The following EGR2 variants were observed in gnomAD, a reference collection of about 807,000 sequenced individuals.
EGR2 encodes the protein E3 SUMO-protein ligase EGR2.
A neutral mutation model predicts 21.2 loss-of-function variants in EGR2; 2 were observed. The observed-to-expected ratio is 0.09, with a 90% confidence interval of 0.04 to 0.30. The LOEUF (loss-of-function observed/expected upper bound fraction) is 0.30. EGR2 is among the 10% of genes least tolerant of loss of function. The pLI is 1.00. For synonymous variants in EGR2, 282 were observed against 258.2 expected, an observed-to-expected ratio of 1.09 and a Z score of -0.88; for missense variants, 458 against 630.2, an observed-to-expected ratio of 0.73 and a Z score of 2.93.
rs1842261380 is a variant in EGR2, at chr10:62,816,093, T to G, written c.-64A>C. 1 of 1,613,598 alleles carries G rather than the reference T, an allele frequency of 6.2e-7. No homozygotes were observed. The highest frequency in any genetic ancestry group is 2.2e-5 in the East Asian group (1 of 44,886). Reference sequence around the variant, plus strand: ...ACCTGGAGTGTCAGAAAAGCCGTTTTGGAGAGGGGTTGGACTGAGCCTGGG... The same window carrying G: ...ACCTGGAGTGTCAGAAAAGCCGTTTGGGAGAGGGGTTGGACTGAGCCTGGG... On this transcript the variant is annotated 5_prime_UTR_variant, in exon 1 of 2. Coordinates refer to ENST00000242480, the MANE Select transcript of EGR2 (RefSeq NM_000399.5).
chr10:62,818,601 T>A (rs1335885863), upstream of EGR2: 2 of 1,277,278 alleles, frequency 1.6e-6, no homozygotes, highest in South Asian at 2.5e-5. Flanking sequence ...GCGCTGACCA[T>A]GGGCAAGACG....
chr10:62,817,300 TAC>T (rs766650759), upstream of EGR2, among the ~76,000 whole-genome samples: 1 of 151,882 alleles, frequency 6.6e-6, no homozygotes, highest in African/African-American at 2.4e-5. This position sits in a 1 kb window ranked among gnomAD's most constrained non-coding sequence, Gnocchi z 4.4. Flanking sequence ...CAGACACACA[TAC>T]ACACACACTC....
chr10:62,818,162 C>A (rs149153286), upstream of EGR2, among the ~76,000 whole-genome samples: 1,025 of 152,302 alleles, frequency 6.7e-3, 5 homozygotes, highest in Middle Eastern at 0.017. Context: ...GGTCTTCAGC[C>A]GCTCACCTGC....
Position 62,816,258 on chromosome 10 carries a change from C to T in EGR2, c.-229G>A. The T allele has an allele frequency of 7.2e-7, 1 of 1,397,778 alleles. No individual in the cohort carries two copies. Among genetic ancestry groups the T allele is most frequent in the Non-Finnish European group, 9.3e-7 (1 of 1,074,346 alleles). 86.6% of individuals were successfully genotyped at this position (1,397,778 alleles called of 1,614,324 possible). On this transcript the variant is annotated 5_prime_UTR_variant, in exon 1 of 2. Coordinates refer to ENST00000242480, the MANE Select transcript of EGR2 (RefSeq NM_000399.5). ...AATGTCTATTTGCCACTGACTCTCTCCTGTCTGTGTTCCGGCTGCTGGGAA... is the reference window on the plus strand; with the variant it reads ...AATGTCTATTTGCCACTGACTCTCTTCTGTCTGTGTTCCGGCTGCTGGGAA...
chr10:62,816,684 C>T (rs1476137874), upstream of EGR2, among the ~76,000 whole-genome samples: 1 of 152,214 alleles, frequency 6.6e-6, no homozygotes, highest in Non-Finnish European at 1.5e-5. Flanking sequence ...GGCTGCGGCT[C>T]AGCCTCCCGG....
At chr10:62,817,509 G>T (rs138149006), upstream of EGR2, among the ~76,000 whole-genome samples, 1,316 of 152,072 alleles carry the variant, frequency 8.7e-3, 14 homozygotes, top group African/African-American at 0.03. The surrounding 1 kb of genome is among the most constrained non-coding windows in gnomAD (Gnocchi z 4.4). Flanking sequence ...CTTCACTACC[G>T]GTCCCTGCAG....
chr10:62,814,620 C>A lies in EGR2; in HGVS notation c.170-152G>T. The A allele has an allele frequency of 1.3e-6, 1 of 789,422 alleles. No homozygotes were observed. The highest frequency in any genetic ancestry group is 2.1e-6 in the Non-Finnish European group (1 of 468,432). 48.9% of individuals were successfully genotyped at this position (789,422 alleles called of 1,614,324 possible). On this transcript the variant is annotated intron_variant, in intron 1 of 1. Coordinates refer to ENST00000242480, the MANE Select transcript of EGR2 (RefSeq NM_000399.5). This position sits in a 1 kb window ranked among gnomAD's most constrained non-coding sequence, Gnocchi z 4.8. ...TCCAAAAGGTGGGGAAATTGAGGCC[C>A]ACAGACTGTAAGAAGAGGCCAGCCC...
At chr10:62,815,347 G>C (rs1439465527) in intron 1 of EGR2, among the ~76,000 whole-genome samples, 1 of 152,150 alleles carries the variant, frequency 6.6e-6, no homozygotes, top group African/African-American at 2.4e-5. Context: ...GCGGCGGGCA[G>C]GTGGGGGCGC....
Position 62,814,585 on chromosome 10 carries a change from T to C in EGR2, c.170-117A>G. The C allele has an allele frequency of 9.7e-7, 1 of 1,030,292 alleles. No individual in the cohort carries two copies. Among genetic ancestry groups the C allele is most frequent in the African/African-American group, 1.6e-5 (1 of 63,972 alleles). 63.8% of individuals were successfully genotyped at this position (1,030,292 alleles called of 1,614,324 possible). ...GCCGAGAGTCTCAGCACTGTAGAGC[T>C]GTGGCAAAGTCCAAAAGGTGGGGAA... On this transcript the variant is annotated intron_variant, in intron 1 of 1. Coordinates refer to ENST00000242480, the MANE Select transcript of EGR2 (RefSeq NM_000399.5). The surrounding 1 kb of genome is among the most constrained non-coding windows in gnomAD (Gnocchi z 4.8).
In EGR2 at chr10:62,813,905, C is replaced by G; in HGVS notation, c.733G>C (p.Asp245His). 1 of 1,614,162 alleles carries G rather than the reference C, an allele frequency of 6.2e-7. No individual in the cohort carries two copies. Among genetic ancestry groups the G allele is most frequent in the African/African-American group, 1.3e-5 (1 of 75,038 alleles). The change falls in exon 2 of 2, where the codon GAC (aspartate) becomes CAC (histidine). Residue 245 changes from aspartate (D) to histidine (H), a missense_variant. Coordinates refer to ENST00000242480, the MANE Select transcript of EGR2 (RefSeq NM_000399.5). This position sits in a 1 kb window ranked among gnomAD's most constrained non-coding sequence, Gnocchi z 5.7. ...QRDLHGTAGP[D>H]RKPFPCPLDT... is the part of the protein sequence containing the mutation. ...AGTGGGCAGGGAAAGGGCTTACGGT[C>G]TGGGCCAGCTGTACCATGTAGGTCT...
upstream of EGR2, among the ~76,000 whole-genome samples, chr10:62,818,065 G>A (rs899027584): frequency 6.6e-6 from 1 of 152,228 alleles, no homozygotes; most frequent in Non-Finnish European, 1.5e-5. Flanking sequence ...TTTTCACCCC[G>A]GGCCCGGAGC....
chr10:62,815,737 C>T, intron 1 of EGR2, 124 bp downstream of exon 1: 1 of 1,260,526 alleles, frequency 7.9e-7, no homozygotes, highest in Non-Finnish European at 1.1e-6. Context: ...GTCTTCAAAG[C>T]CAGTGCAGTC....
In EGR2 at chr10:62,813,381, G is replaced by A. The variant is rs747698852; in HGVS notation, c.1257C>T (p.Ile419=). The A allele has an allele frequency of 1.3e-5, 21 of 1,611,026 alleles. No individual in the cohort carries two copies. The highest frequency in any genetic ancestry group is 1.3e-5 in the Non-Finnish European group (15 of 1,177,602). The part of the protein sequence containing the change: ...RSDERKRHTK[I]HLRQKERKSS... Reference sequence around the variant, plus strand: ...TTTTCCGCTCTTTCTGTCTCAGGTGGATCTTGGTGTGGCGCTTCCTCTCAT... The same window carrying A: ...TTTTCCGCTCTTTCTGTCTCAGGTGAATCTTGGTGTGGCGCTTCCTCTCAT... The change falls in exon 2 of 2, where the codon ATC becomes ATT. Residue 419 remains isoleucine (I), a synonymous_variant. Transcript: ENST00000242480. This position sits in a 1 kb window ranked among gnomAD's most constrained non-coding sequence, Gnocchi z 5.7.
chr10:62,813,234 A>T lies in EGR2; in HGVS notation c.1404T>A (p.Pro468=). The T allele has an allele frequency of 6.4e-7, 1 of 1,568,312 alleles. No homozygotes were observed. The highest frequency in any genetic ancestry group is 2.2e-5 in the East Asian group (1 of 44,664). The change falls in exon 2 of 2, where the codon CCT becomes CCA. Residue 468 remains proline, a synonymous_variant. Coordinates refer to ENST00000242480, the MANE Select transcript of EGR2 (RefSeq NM_000399.5). This position sits in a 1 kb window ranked among gnomAD's most constrained non-coding sequence, Gnocchi z 5.7. ...SSSLGGGPLA[P]CSSRTRTP ...AAGGTGTCCGGGTCCGAGAGGAGCA[A>T]GGGGCGAGCGGCCCTCCGCCAAGAC...
At chr10:62,818,150 C>T (rs989428964), upstream of EGR2, among the ~76,000 whole-genome samples, 7 of 152,182 alleles carry the variant, frequency 4.6e-5, no homozygotes, top group East Asian at 1.3e-3. Context: ...GCGCTGCAGG[C>T]GGGTCTTCAG....
rs1429017959 is a variant in EGR2 at position 62,813,059 on chromosome 10, GA to G, written c.*147del. On this transcript the variant is annotated 3_prime_UTR_variant, in exon 2 of 2. Coordinates refer to ENST00000242480, the MANE Select transcript of EGR2 (RefSeq NM_000399.5). The surrounding 1 kb of genome is among the most constrained non-coding windows in gnomAD (Gnocchi z 5.7). ...TTTAGGAAGAACCTGCTTCTAGGTG[GA>G]AAGGGGGCAGTGCTAGCTCCACCAA... 1.4e-5 allele frequency: 12 copies of G among 866,588 alleles called. No homozygotes were observed. Among genetic ancestry groups the G allele is most frequent in the Admixed American group, 2.7e-5 (1 of 37,150 alleles). 53.7% of individuals were successfully genotyped at this position (866,588 alleles called of 1,614,324 possible). A position where few individuals can be genotyped will look rare whatever the true frequency, so the allele number is the denominator to read the frequency against.
chr10:62,816,974 A>G (rs943467808), upstream of EGR2, among the ~76,000 whole-genome samples: 7 of 152,114 alleles, frequency 4.6e-5, no homozygotes, highest in African/African-American at 1.4e-4. Flanking sequence ...GTGGCTGGTG[A>G]TAAGAGTGAA....
rs1272356173 is a variant in EGR2, at chr10:62,812,143, C to T, written c.*1064G>A. On this transcript the variant is annotated 3_prime_UTR_variant, in exon 2 of 2. Transcript: ENST00000242480. ...AAATCAGCTCCGGTAACATTATGTA[C>T]ATTCTTATCTGAAATTTGACTACAA... The T allele has an allele frequency of 6.5e-6, 1 of 152,746 alleles. No individual in the cohort carries two copies. Among genetic ancestry groups the T allele is most frequent in the Non-Finnish European group, 1.5e-5 (1 of 68,038 alleles). 9.5% of individuals were successfully genotyped at this position (152,746 alleles called of 1,614,324 possible).
chr10:62,818,867 C>T (rs1373878784), upstream of EGR2, among the ~76,000 whole-genome samples: 1 of 152,066 alleles, frequency 6.6e-6, no homozygotes, highest in African/African-American at 2.4e-5. Flanking sequence ...CTGCCAAACC[C>T]GCCGGCGGTC....
Sources: allele counts gnomAD v4.1 joint callset (sites outside exome capture counted in the v4.1 genomes callset), GRCh38; gene constraint gnomAD v4.1.1; non-coding constraint Gnocchi (gnomAD v3.1); transcripts MANE v1.5; gene names NCBI Gene and HGNC (gene_info 2026-07-23, HGNC 2026-07-21).